ZNF705G: variants seen among roughly 807,000 people sequenced by gnomAD.
ZNF705G encodes the protein putative zinc finger protein 705G.
A neutral mutation model predicts 19.6 loss-of-function variants in ZNF705G; 23 were observed. That is an observed-to-expected ratio of 1.17 (90% confidence interval 0.84 to 1.66). ZNF705G has a LOEUF of 1.66. ZNF705G is among the 40% of genes most tolerant of loss of function. The pLI is 0.00. For synonymous variants in ZNF705G, 146 were observed against 117.7 expected (o/e 1.24, Z -1.56); for missense variants, 457 against 354.4 (o/e 1.29, Z -2.32).
Position 7,363,004 on chromosome 8 carries a change from G to C in ZNF705G, c.-58C>G. On this transcript the variant is annotated 5_prime_UTR_variant, in exon 3 of 7. Transcript: ENST00000400156. ...TGGATTTCCACTTGCAGACACTTTA[G>C]GCACTAAGAAAAGCTGAGGTTGGAG... The C allele has an allele frequency of 2.0e-5, 31 of 1,575,948 alleles. No homozygotes were observed. The highest frequency in any genetic ancestry group is 2.7e-5 in the Non-Finnish European group (31 of 1,168,144).
At position 7,357,994 on chromosome 8, in the gene ZNF705G, C is replaced by T. The variant is rs1284568213; in HGVS notation, c.885G>A (p.Leu295=). 2.5e-6 allele frequency: 4 copies of T among 1,609,126 alleles called. 1 individual carries two copies. Among genetic ancestry groups the T allele is most frequent in the African/African-American group, 2.8e-5 (2 of 71,204 alleles). The change falls in exon 7 of 7, where the codon CTG becomes CTA. Residue 295 remains leucine (L), a synonymous_variant. Transcript: ENST00000400156. ...TCTCATGTCATCTAAGGTTGGAAGA[C>T]AGACTGAAGGCCTTCCCACATAGAA... ...ACLLCGKAFS[L]SSNLR
Position 7,359,692 on chromosome 8 carries a change from C to G in ZNF705G, c.245G>C (p.Ser82Thr). 1 of 1,606,740 alleles carries G rather than the reference C, an allele frequency of 6.2e-7. No homozygotes were observed. Among genetic ancestry groups the G allele is most frequent in the Non-Finnish European group, 8.5e-7 (1 of 1,179,220 alleles). Residue 82 changes from serine (S) to threonine (T), a missense_variant, in exon 6 of 7, where the codon AGT (serine) becomes ACT (threonine). Physicochemically the swap from Ser to Thr is moderately conservative, Grantham distance 58. Transcript: ENST00000400156. ...TATCATGTGTGTTTTCTTAAGGGCA[C>G]TTTCCCTGTCTGAAATAATTGAAAA... is the stretch of plus-strand genomic sequence containing the variant. ...FLQDQNPNRE[S>T]ALKKTHMISM...
At position 7,385,545 on chromosome 8, in the gene ZNF705G, C is replaced by T. The variant is rs1807686968; in HGVS notation, c.-269G>A. 6.8e-6 allele frequency: 1 copy of T among 147,680 alleles called. No homozygotes were observed. 9.1% of individuals were successfully genotyped at this position (147,680 alleles called of 1,614,324 possible). A position where few individuals can be genotyped will look rare whatever the true frequency, so the allele number is the denominator to read the frequency against. On this transcript the variant is annotated 5_prime_UTR_variant, in exon 1 of 7. Transcript: ENST00000400156. ...TCCACAGGCTGTGTGCTGTATGTCC[C>T]TTGGGACAAGGACACCTGAAAGCAG...
At chr8:7,384,855 C>T (rs1189879756) in intron 1 of ZNF705G, among the ~76,000 whole-genome samples, 7 of 146,144 alleles carry the variant, frequency 4.8e-5, no homozygotes, top group Non-Finnish European at 1.0e-4. Context: ...TATCACGTAC[C>T]ATGAGTCTTG....
At chr8:7,380,230 G>A (rs1454421201) in intron 2 of ZNF705G, among the ~76,000 whole-genome samples, 1 of 144,094 alleles carries the variant, frequency 6.9e-6, no homozygotes, top group Non-Finnish European at 1.5e-5. Context: ...CAGGGGACCT[G>A]GGGACTCACC....
chr8:7,361,037 A>T (rs533257392), intron 4 of ZNF705G, 73 bp downstream of exon 4: 1 of 1,590,758 alleles, frequency 6.3e-7, no homozygotes, highest in East Asian at 2.2e-5. Flanking sequence ...GATATGGGGA[A>T]GCTGTTTTAA....
At chr8:7,363,397 A>G (rs1450466669) in intron 2 of ZNF705G, among the ~76,000 whole-genome samples, 2 of 148,622 alleles carry the variant, frequency 1.3e-5, no homozygotes, top group Admixed American at 1.3e-4. Flanking sequence ...AGATTTTATT[A>G]TCCTAGCTTT....
rs555355924 is a variant in ZNF705G, at chr8:7,380,425, T to C, written c.-72+1027A>G. Among the ~76,000 whole-genome samples, 5 of 147,620 alleles carry C rather than the reference T, an allele frequency of 3.4e-5. No individual in the cohort carries two copies. The South Asian group carries it at 1.0e-3, about 31-fold the overall frequency. On this transcript the variant is annotated intron_variant, in intron 2 of 6. Coordinates refer to ENST00000400156, the MANE Select transcript of ZNF705G (RefSeq NM_001164457.3). The stretch of plus-strand genomic sequence containing the variant: ...CCCAGCCTGGTGGTGCCTGTGCACA[T>C]TGTCTGGGAGCCTGGGAATTAATCC...
In ZNF705G at chr8:7,358,555, G is replaced by C; in HGVS notation, c.324C>G (p.Asn108Lys). ...KDASTSMTME[N>K]SLILEDPFEC... ...CAAAAGGATCCTCCAGAATGAGAGA[G>C]TTCTCCTTTGGGGCAAATATTAAAA... The change falls in exon 7 of 7, where the codon AAC becomes AAG. Residue 108 changes from asparagine to lysine, a missense_variant. Physicochemically the swap from Asn to Lys is moderately conservative, Grantham distance 94. Coordinates refer to ENST00000400156, the MANE Select transcript of ZNF705G (RefSeq NM_001164457.3). 6.2e-7 allele frequency: 1 copy of C among 1,607,406 alleles called. No individual in the cohort carries two copies. The highest frequency in any genetic ancestry group is 1.1e-5 in the South Asian group (1 of 90,704).
At chr8:7,378,934 C>T (rs1467508132) in intron 2 of ZNF705G, among the ~76,000 whole-genome samples, 1 of 147,630 alleles carries the variant, frequency 6.8e-6, no homozygotes, top group Non-Finnish European at 1.5e-5. Context: ...TGGCGGGAGA[C>T]AGAGGGGACA....
rs1286464945 is a variant in ZNF705G, at chr8:7,370,053, T to A, written c.-71-7036A>T. Among the ~76,000 whole-genome samples, 30 of 147,876 alleles carry A rather than the reference T, an allele frequency of 2.0e-4. 2 individuals are homozygous for A. The highest frequency in any genetic ancestry group is 2.1e-4 in the South Asian group (1 of 4,686). ...CTAAAATAAAAGTTGAATTTTTTTT[T>A]AAAATGGGCAAAGATCTGGCTAACA... On this transcript the variant is annotated intron_variant, in intron 2 of 6. Transcript: ENST00000400156.
intron 2 of ZNF705G, among the ~76,000 whole-genome samples, chr8:7,370,270 CAAA>C (rs59555789): frequency 7.2e-6 from 1 of 138,900 alleles, no homozygotes. Flanking sequence ...GACTCCATCT[CAAA>C]AAAAAAAAAA....
At chr8:7,366,679 CTAAGTACTTACCTCAA>C (rs1200771855) in intron 2 of ZNF705G, among the ~76,000 whole-genome samples, 1 of 149,606 alleles carries the variant, frequency 6.7e-6, no homozygotes. Flanking sequence ...AAAAAATAAT[CTAAGTACTTACCTCAA>C]TAAGGTAAAT....
At chr8:7,379,029 T>G (rs1335772468) in intron 2 of ZNF705G, among the ~76,000 whole-genome samples, 1 of 150,484 alleles carries the variant, frequency 6.6e-6, no homozygotes, top group African/African-American at 2.5e-5. Context: ...TGGCTTTGTG[T>G]GAAGAGATTC....
intron 2 of ZNF705G, among the ~76,000 whole-genome samples, chr8:7,363,453 C>G (rs1393550761): frequency 6.7e-6 from 1 of 148,976 alleles, no homozygotes; most frequent in Non-Finnish European, 1.5e-5. Flanking sequence ...CCTTCTGAAG[C>G]CTTACTCCAC....
At chr8:7,359,336 A>T (rs1371327565) in intron 6 of ZNF705G, among the ~76,000 whole-genome samples, 2 of 149,752 alleles carry the variant, frequency 1.3e-5, no homozygotes, top group Admixed American at 6.6e-5. Context: ...CTTCTGTAAC[A>T]TCTCAACTGC....
rs977273392 is a variant in ZNF705G at position 7,355,848 on chromosome 8, C to A, written c.*2128G>T. ...CTGGACACAGTCCTTGCCTCTCCAA[C>A]CAGTTTGCCAAGGGCTTGAATTTCT... On this transcript the variant is annotated 3_prime_UTR_variant, in exon 7 of 7. Transcript: ENST00000400156. 3.3e-5 allele frequency: 5 copies of A among 149,682 alleles called. 1 individual carries two copies. Among genetic ancestry groups the A allele is most frequent in the African/African-American group, 1.3e-4 (5 of 39,094 alleles). The allele number at this position is 149,682 out of a possible 1,614,324, so 9.3% of individuals were successfully genotyped here. A position where few individuals can be genotyped will look rare whatever the true frequency, so the allele number is the denominator to read the frequency against.
At chr8:7,364,073 TA>T in intron 2 of ZNF705G, among the ~76,000 whole-genome samples, 1 of 149,516 alleles carries the variant, frequency 6.7e-6, no homozygotes, top group Non-Finnish European at 1.5e-5. Context: ...ACGTGGTATC[TA>T]AAATTCTTGC....
At chr8:7,359,519 G>T (rs547178983) in intron 6 of ZNF705G, 100 bp downstream of exon 6, 4 of 1,555,408 alleles carry the variant, frequency 2.6e-6, no homozygotes, top group East Asian at 2.3e-5. Context: ...AACACTTAAT[G>T]CCAGCTTAAT....
Sources: allele counts gnomAD v4.1 joint callset (sites outside exome capture counted in the v4.1 genomes callset), GRCh38; gene constraint gnomAD v4.1.1; transcripts MANE v1.5; gene names NCBI Gene and HGNC (gene_info 2026-07-23, HGNC 2026-07-21).